Variants in PLAAT3 observed in about 807,000 individuals in gnomAD.
PLAAT3 encodes the protein phospholipase A and acyltransferase 3, also known as Ca-independent phospholipase A1/2.
Under a neutral mutation model 16.7 loss-of-function variants are expected in PLAAT3, and 21 were observed. The ratio of observed to expected loss-of-function variants is 1.26; its 90% CI spans 0.89 to 1.81. The LOEUF (loss-of-function observed/expected upper bound fraction) is 1.81. Ranked by LOEUF, PLAAT3 falls within the 40% of genes most tolerant of loss-of-function variation. PLAAT3 has a pLI of 0.00. For missense variants in PLAAT3, 219 were observed against 213.7 expected (o/e 1.02, Z -0.16); for synonymous variants, 76 against 81.7 (o/e 0.93, Z 0.38).
At chr11:63,600,455 A>G (rs1176528661) in intron 2 of PLAAT3, among the ~76,000 whole-genome samples, 1 of 152,246 alleles carries the variant, frequency 6.6e-6, no homozygotes, top group Non-Finnish European at 1.5e-5. Flanking sequence ...CAGAGCAGGC[A>G]TAACTACAGC....
chr11:63,613,282 GCGCC>G (rs1232695197), intron 2 of PLAAT3, among the ~76,000 whole-genome samples: 2 of 151,834 alleles, frequency 1.3e-5, no homozygotes, highest in Non-Finnish European at 2.9e-5. Context: ...GTAGTGGCGG[GCGCC>G]TGTACTCCCA....
At chr11:63,575,830 A>G (rs2017651807) in intron 4 of PLAAT3, among the ~76,000 whole-genome samples, 2 of 152,210 alleles carry the variant, frequency 1.3e-5, no homozygotes, top group South Asian at 4.1e-4. Context: ...ATACTCCAAA[A>G]GGATCACATA....
At chr11:63,597,515 G>C (rs1938320688) in intron 3 of PLAAT3, among the ~76,000 whole-genome samples, 1 of 152,108 alleles carries the variant, frequency 6.6e-6, no homozygotes, top group African/African-American at 2.4e-5. Flanking sequence ...GACAGAGCAA[G>C]ACTCTGTCTC....
At chr11:63,599,094 G>A (rs1938362277) in intron 2 of PLAAT3, among the ~76,000 whole-genome samples, 1 of 152,168 alleles carries the variant, frequency 6.6e-6, no homozygotes, top group Admixed American at 6.5e-5. Flanking sequence ...GAGTGCTGGG[G>A]GAGGGGAAGT....
intron 2 of PLAAT3, among the ~76,000 whole-genome samples, chr11:63,601,392 G>A (rs577742555): frequency 1.6e-3 from 213 of 130,736 alleles, no homozygotes; most frequent in African/African-American, 4.9e-3. Context: ...GAAAAAAGCT[G>A]TAATTTTTTT....
chr11:63,587,324 GA>G (rs1938007436), intron 4 of PLAAT3, among the ~76,000 whole-genome samples: 1 of 151,584 alleles, frequency 6.6e-6, no homozygotes, highest in Admixed American at 6.6e-5. Context: ...GTTCTGAAAA[GA>G]AAAAATAGAT....
chr11:63,584,010 A>G (rs561211645), intron 4 of PLAAT3, among the ~76,000 whole-genome samples: 25 of 152,330 alleles, frequency 1.6e-4, no homozygotes, highest in African/African-American at 5.5e-4. Context: ...AAGCAATCCA[A>G]TTGAGACTGT....
At chr11:63,576,188 C>A (rs1465496376) in intron 4 of PLAAT3, among the ~76,000 whole-genome samples, 1 of 152,204 alleles carries the variant, frequency 6.6e-6, no homozygotes, top group Non-Finnish European at 1.5e-5. Context: ...CCAAACAGCC[C>A]ACCCAGATCA....
In PLAAT3 at chr11:63,613,985, T is replaced by TCGCCC; in HGVS notation, c.15+10_15+14dup. On this transcript the variant is annotated intron_variant, in intron 2 of 4. Transcript: ENST00000415826. ...GCTCCCAGCCCCGCCCAGCCCCGCC[T>TCGCCC]CGCCCCGCACTTACAATGGGCGCAC... 1 of 1,236,308 alleles carries TCGCCC rather than the reference T, an allele frequency of 8.1e-7. No individual in the cohort carries two copies. The highest frequency in any genetic ancestry group is 1.2e-6 in the Non-Finnish European group (1 of 835,964). The allele number at this position is 1,236,308 out of a possible 1,614,324, so 76.6% of individuals were successfully genotyped here.
intron 4 of PLAAT3, among the ~76,000 whole-genome samples, chr11:63,585,823 T>C (rs1053103427): frequency 3.3e-5 from 5 of 152,230 alleles, no homozygotes; most frequent in African/African-American, 1.2e-4. Flanking sequence ...TTGTTTCATT[T>C]TGCAAGTGTT....
chr11:63,597,957 G>T, intron 3 of PLAAT3, 104 bp downstream of exon 3: 2 of 761,494 alleles, frequency 2.6e-6, no homozygotes, highest in Non-Finnish European at 4.6e-6. Context: ...ACTGCCAGTT[G>T]GGAAGCAAGA....
chr11:63,585,253 G>C (rs955035602), intron 4 of PLAAT3, among the ~76,000 whole-genome samples: 3 of 152,022 alleles, frequency 2.0e-5, no homozygotes, highest in Non-Finnish European at 4.4e-5. Context: ...TCGATCTCTT[G>C]ACCTCATGAT....
intron 4 of PLAAT3, among the ~76,000 whole-genome samples, chr11:63,577,911 T>A (rs554762214): frequency 2.0e-5 from 3 of 151,316 alleles, no homozygotes; most frequent in Non-Finnish European, 4.4e-5. Flanking sequence ...AAGATAAAGC[T>A]AAGTTAAGGA....
At chr11:63,591,125 T>C (rs1938142401) in intron 3 of PLAAT3, among the ~76,000 whole-genome samples, 1 of 152,134 alleles carries the variant, frequency 6.6e-6, no homozygotes. Context: ...CTCATACCTG[T>C]AATCCCAGCA....
intron 4 of PLAAT3, among the ~76,000 whole-genome samples, chr11:63,587,572 T>TC (rs1938016426): frequency 6.7e-6 from 1 of 150,132 alleles, no homozygotes; most frequent in East Asian, 1.9e-4. Context: ...TTTTTTTTTT[T>TC]CTGACCAAGT....
At chr11:63,588,139 G>A (rs771938837) in intron 4 of PLAAT3, among the ~76,000 whole-genome samples, 3 of 151,310 alleles carry the variant, frequency 2.0e-5, no homozygotes, top group Non-Finnish European at 4.4e-5. Context: ...GTGTGATCTC[G>A]GCTCACTGCA....
At chr11:63,579,130 C>A (rs1937714870) in intron 4 of PLAAT3, among the ~76,000 whole-genome samples, 1 of 152,214 alleles carries the variant, frequency 6.6e-6, no homozygotes. Flanking sequence ...AAATGCTCAT[C>A]ATCACTGGCC....
At chr11:63,595,224 G>T (rs945211639) in intron 3 of PLAAT3, among the ~76,000 whole-genome samples, 19 of 151,098 alleles carry the variant, frequency 1.3e-4, no homozygotes, top group Non-Finnish European at 4.4e-5. Flanking sequence ...GCAGGAGGTG[G>T]AGGTTGCAGT....
At chr11:63,600,587 T>TTTTTGTTTTGTTTTGTTTTGTTTTG (rs111781962) in intron 2 of PLAAT3, among the ~76,000 whole-genome samples, 122 of 148,438 alleles carry the variant, frequency 8.2e-4, no homozygotes, top group African/African-American at 3.0e-3. Context: ...TTTTTTGTTT[T>TTTTTGTTTTGTTTTGTTTTGTTTTG]TTTTGTTTTG....
Sources: gnomAD v4.1 joint callset for allele counts (sites outside exome capture counted in the v4.1 genomes callset) on GRCh38, gnomAD v4.1.1 for gene constraint, MANE v1.5 for transcripts, NCBI Gene and HGNC (gene_info 2026-07-23, HGNC 2026-07-21) for gene names.